The following SCML4 variants were observed in gnomAD, a reference collection of about 807,000 sequenced individuals.
The protein encoded by SCML4 is sex comb on midleg-like protein 4.
A neutral mutation model predicts 41.1 loss-of-function variants in SCML4; 34 were observed. The observed-to-expected ratio is 0.83, with a 90% CI of 0.63 to 1.10. The LOEUF (loss-of-function observed/expected upper bound fraction) is 1.10. SCML4 is among the 50% of genes least tolerant of loss of function. The pLI is 0.00. For synonymous variants in SCML4, 214 were observed against 220.9 expected (o/e 0.97, Z 0.28); for missense variants, 522 against 534.1 (o/e 0.98, Z 0.22).
chr6:107,711,838 G>A (rs926584903), intron 6 of SCML4, among the ~76,000 whole-genome samples: 1 of 152,232 alleles, frequency 6.6e-6, no homozygotes, highest in East Asian at 1.9e-4. Context: ...GCTTTCTGCT[G>A]TCTCTGTCTC....
At chr6:107,763,695 T>C (rs1218125643) in intron 2 of SCML4, among the ~76,000 whole-genome samples, 1 of 152,138 alleles carries the variant, frequency 6.6e-6, no homozygotes, top group Non-Finnish European at 1.5e-5. Context: ...CCGGGATTAG[T>C]GTTCTTAAAA....
upstream of SCML4, among the ~76,000 whole-genome samples, chr6:107,827,146 G>A (rs941554415): frequency 2.7e-5 from 4 of 146,954 alleles, no homozygotes; most frequent in Non-Finnish European, 6.0e-5. Context: ...CAAAATATTT[G>A]ATATTTAATA....
the SCML4 span, among the ~76,000 whole-genome samples, chr6:107,832,062 C>A: frequency 2.4e-4 from 32 of 133,828 alleles, no homozygotes; most frequent in South Asian, 4.9e-4. Context: ...GACTCTGTCT[C>A]AAAAAAAAAA....
At chr6:107,821,017 T>G (rs1328938056) in intron 1 of SCML4, among the ~76,000 whole-genome samples, 1 of 152,190 alleles carries the variant, frequency 6.6e-6, no homozygotes, top group Non-Finnish European at 1.5e-5. Context: ...TCCAGTAGGT[T>G]TGCCAAAAGA....
At chr6:107,721,052 G>T in intron 5 of SCML4, 59 bp from the exon 6 acceptor site, 2 of 1,521,420 alleles carry the variant, frequency 1.3e-6, no homozygotes, top group South Asian at 2.6e-5. Flanking sequence ...GAAGCTATCA[G>T]ACCCTCCGTC....
chr6:107,709,912 G>A (rs1774074373), intron 6 of SCML4, among the ~76,000 whole-genome samples: 1 of 152,100 alleles, frequency 6.6e-6, no homozygotes, highest in Non-Finnish European at 1.5e-5. Context: ...GTTTCACCAT[G>A]TTGGTCAGGC....
intron 2 of SCML4, among the ~76,000 whole-genome samples, chr6:107,750,731 A>T (rs930945473): frequency 6.6e-6 from 1 of 152,148 alleles, no homozygotes; most frequent in Non-Finnish European, 1.5e-5. Context: ...AATTTTTGCA[A>T]TCAACCTTCT....
chr6:107,815,603 A>T (rs1162127883), intron 1 of SCML4, among the ~76,000 whole-genome samples: 3 of 152,188 alleles, frequency 2.0e-5, no homozygotes, highest in Non-Finnish European at 2.9e-5. Flanking sequence ...ACTGCATTGG[A>T]GGGGTGGCCC....
intron 5 of SCML4, among the ~76,000 whole-genome samples, chr6:107,742,812 T>A (rs985424769): frequency 1.4e-4 from 12 of 85,174 alleles, no homozygotes; most frequent in African/African-American, 3.6e-4. Flanking sequence ...AGTTTTTCAA[T>A]GTGAAAGAAA....
intron 2 of SCML4, among the ~76,000 whole-genome samples, chr6:107,750,609 C>G (rs1778531644): frequency 6.6e-6 from 1 of 152,186 alleles, no homozygotes; most frequent in Non-Finnish European, 1.5e-5. Context: ...TCACTCTAGA[C>G]CGATTAAGTC....
At position 107,718,141 on chromosome 6, in the gene SCML4, G is replaced by A. The variant is rs73762041; in HGVS notation, c.973+2562C>T. Reference sequence around the variant, plus strand: ...CCTGATTCCAGGATGATATGAGTTAGCTCTGTGTCCCCACCCAAATCTCAC... The same window carrying A: ...CCTGATTCCAGGATGATATGAGTTAACTCTGTGTCCCCACCCAAATCTCAC... On this transcript the variant is annotated intron_variant, in intron 6 of 7. Transcript: ENST00000369020. 6.2e-3 allele frequency among the ~76,000 whole-genome samples: 949 copies of A among 152,324 alleles called. 10 individuals carry two copies. The highest frequency in any genetic ancestry group is 0.022 in the African/African-American group (922 of 41,568).
In SCML4 at chr6:107,766,539, A is replaced by G. The variant is rs551801259; in HGVS notation, c.156+5633T>C. The stretch of plus-strand genomic sequence containing the variant: ...TCATTCTCAGTCTTGACAAACAAGG[A>G]AAGCTCTGACATAAGACCTCATTGT... On this transcript the variant is annotated intron_variant, in intron 2 of 7. Transcript: ENST00000369020. Among the ~76,000 whole-genome samples, 28 of 152,330 alleles carry G rather than the reference A, an allele frequency of 1.8e-4. 1 individual carries two copies. The South Asian group carries it at 5.6e-3, about 30-fold the overall frequency.
the SCML4 span, among the ~76,000 whole-genome samples, chr6:107,845,071 A>G: frequency 6.6e-6 from 1 of 152,036 alleles, no homozygotes; most frequent in South Asian, 2.1e-4. Context: ...CCCCATCTCT[A>G]TTAAAAGTAC....
At chr6:107,738,337 A>G (rs752578952) in intron 5 of SCML4, among the ~76,000 whole-genome samples, 6 of 152,214 alleles carry the variant, frequency 3.9e-5, no homozygotes, top group Non-Finnish European at 7.3e-5. Context: ...GATTTTCCCT[A>G]AGCACAGGAA....
chr6:107,725,212 A>T (rs1038306264), intron 5 of SCML4, among the ~76,000 whole-genome samples: 81 of 152,372 alleles, frequency 5.3e-4, no homozygotes, highest in African/African-American at 1.8e-3. Context: ...TTCTACAGTA[A>T]AGACAAATAT....
the SCML4 span, among the ~76,000 whole-genome samples, chr6:107,833,474 G>A: frequency 1.3e-5 from 2 of 152,258 alleles, no homozygotes; most frequent in Non-Finnish European, 2.9e-5. Flanking sequence ...CTGCAAGGCT[G>A]AGGAGCTCAG....
At chr6:107,708,215 G>A (rs987571898) in intron 6 of SCML4, among the ~76,000 whole-genome samples, 1 of 152,196 alleles carries the variant, frequency 6.6e-6, no homozygotes, top group African/African-American at 2.4e-5. Flanking sequence ...GCCACTCCTA[G>A]ATATATTACC....
At chr6:107,838,020 G>A in the SCML4 span, among the ~76,000 whole-genome samples, 5 of 149,124 alleles carry the variant, frequency 3.4e-5, no homozygotes, top group Non-Finnish European at 7.4e-5. Context: ...CAATTCTCCT[G>A]CCTCAGCCTC....
At chr6:107,775,127 A>T (rs1462103020) in intron 1 of SCML4, among the ~76,000 whole-genome samples, 1 of 152,216 alleles carries the variant, frequency 6.6e-6, no homozygotes, top group Non-Finnish European at 1.5e-5. Context: ...TCACTTCAGC[A>T]CCATCAGCCA....
Sources: gnomAD v4.1 joint callset for allele counts (sites outside exome capture counted in the v4.1 genomes callset) on GRCh38, gnomAD v4.1.1 for gene constraint, MANE v1.5 for transcripts, NCBI Gene and HGNC (gene_info 2026-07-23, HGNC 2026-07-21) for gene names.